DHCR24: variants seen among roughly 807,000 people sequenced by gnomAD.
DHCR24 encodes the protein 24-dehydrocholesterol reductase.
DHCR24 carries 28 observed loss-of-function variants against 61.2 expected under a neutral mutation model. The ratio of observed to expected loss-of-function variants is 0.46; its 90% CI spans 0.34 to 0.63. DHCR24 has a LOEUF of 0.63. Ranked by LOEUF, DHCR24 falls within the 20% of genes least tolerant of loss-of-function variation. The pLI, the probability that DHCR24 is intolerant of heterozygous loss-of-function variation, is 0.01. For missense variants in DHCR24, 538 were observed against 679.1 expected (o/e 0.79, Z 2.31); for synonymous variants, 261 against 275.9 (o/e 0.95, Z 0.54).
At chr1:54,857,923 A>G (rs1646916285) in intron 6 of DHCR24, among the ~76,000 whole-genome samples, 1 of 152,116 alleles carries the variant, frequency 6.6e-6, no homozygotes, top group Non-Finnish European at 1.5e-5. Flanking sequence ...ATCACCCAGA[A>G]TGCAGCTTGT....
At chr1:54,886,562 C>T in intron 1 of DHCR24, 1 of 1,346,918 alleles carries the variant, frequency 7.4e-7, no homozygotes, top group Non-Finnish European at 9.8e-7. Flanking sequence ...CTAGACCCAG[C>T]TCCACCTCCC....
intron 4 of DHCR24, among the ~76,000 whole-genome samples, chr1:54,872,018 C>T (rs536713372): frequency 6.6e-6 from 1 of 152,280 alleles, no homozygotes; most frequent in East Asian, 1.9e-4. Context: ...AGCTGGGGAA[C>T]ATTAAAATGC....
Position 54,883,853 on chromosome 1 carries a change from G to A in DHCR24, c.232-80C>T, listed in dbSNP as rs529278072. On this transcript the variant is annotated intron_variant, in intron 1 of 8. Transcript: ENST00000371269. This position sits in a 1 kb window ranked among gnomAD's most constrained non-coding sequence, Gnocchi z 4.3. ...CTGCAGCCCTGCTTTCTTCAAGGGC[G>A]AGCTGGGAATGATGCCTCCATCAGG... 2.7e-5 allele frequency: 42 copies of A among 1,584,282 alleles called. No homozygotes were observed. In the African/African-American group the frequency reaches 3.8e-4, roughly 14 times the overall value.
At chr1:54,853,307 A>G (rs1483416140) in intron 8 of DHCR24, 127 bp downstream of exon 8, 1 of 1,216,178 alleles carries the variant, frequency 8.2e-7, no homozygotes, top group Admixed American at 2.0e-5. Flanking sequence ...CCACAGCTGC[A>G]GGGGCCCTAA....
chr1:54,863,681 A>G (rs1646950974), intron 6 of DHCR24, among the ~76,000 whole-genome samples: 1 of 152,246 alleles, frequency 6.6e-6, no homozygotes, highest in African/African-American at 2.4e-5. Context: ...AAGCACAAAC[A>G]AAAGGGAAAA....
intron 2 of DHCR24, among the ~76,000 whole-genome samples, chr1:54,878,343 T>TA (rs34599871): frequency 0.082 from 12,080 of 146,942 alleles, 619 homozygotes; most frequent in Non-Finnish European, 0.11. Context: ...CCGCCTCTGC[T>TA]AAAAAAAAAA....
chr1:54,883,905 G>A lies in DHCR24; in HGVS notation c.232-132C>T. On this transcript the variant is annotated intron_variant, in intron 1 of 8. Coordinates refer to ENST00000371269, the MANE Select transcript of DHCR24 (RefSeq NM_014762.4). The surrounding 1 kb of genome is among the most constrained non-coding windows in gnomAD (Gnocchi z 4.3). Reference sequence around the variant, plus strand: ...ACTGGAGAAACAGAACAATGAAAAGGCCTGCTGGCCCTACCCTCTGGCACC... The same window carrying A: ...ACTGGAGAAACAGAACAATGAAAAGACCTGCTGGCCCTACCCTCTGGCACC... 1 of 1,283,086 alleles carries A rather than the reference G, an allele frequency of 7.8e-7. No homozygotes were observed. 79.5% of individuals were successfully genotyped at this position (1,283,086 alleles called of 1,614,324 possible).
chr1:54,875,943 C>T lies in DHCR24; in HGVS notation c.492G>A (p.Val164=). 6.2e-7 allele frequency: 1 copy of T among 1,610,166 alleles called. No homozygotes were observed. The highest frequency in any genetic ancestry group is 8.5e-7 in the Non-Finnish European group (1 of 1,176,416). The change falls in exon 3 of 9, where the codon GTG becomes GTA. Residue 164 remains valine (V), a splice_region_variant and synonymous_variant. Coordinates refer to ENST00000371269, the MANE Select transcript of DHCR24 (RefSeq NM_014762.4). ...TGCCCGTTAATATAGGGTCCTCACC[C>T]ACTGTGAGGTCATCAAGCTCAGGCA... ...PVLPELDDLT[V]GGLIMGTGIE...
rs1013590352 is a variant in DHCR24, at chr1:54,854,451, G to A, written c.1021-217C>T. Among the ~76,000 whole-genome samples the A allele has an allele frequency of 3.9e-5, 6 of 152,254 alleles. No homozygotes were observed. The South Asian group carries it at 1.0e-3, about 26-fold the overall frequency. On this transcript the variant is annotated intron_variant, in intron 6 of 8. Coordinates refer to ENST00000371269, the MANE Select transcript of DHCR24 (RefSeq NM_014762.4). ...GGCATTCGCCAGTAGTGATGACCCCGGGCTAGTTACTTAACTTCTTTGAGC... is the reference window on the plus strand; with the variant it reads ...GGCATTCGCCAGTAGTGATGACCCCAGGCTAGTTACTTAACTTCTTTGAGC...
At chr1:54,865,521 G>A (rs766062552) in intron 5 of DHCR24, 75 bp from the exon 6 acceptor site, 9 of 1,585,620 alleles carry the variant, frequency 5.7e-6, no homozygotes, top group Middle Eastern at 1.7e-4. Context: ...AGCGACACCC[G>A]GCTTCTGTTC....
At chr1:54,872,685 TC>T (rs1156620943) in intron 4 of DHCR24, among the ~76,000 whole-genome samples, 1 of 152,056 alleles carries the variant, frequency 6.6e-6, no homozygotes, top group Non-Finnish European at 1.5e-5. Flanking sequence ...ACCTACTTAT[TC>T]CTCTCAACCA....
At position 54,886,976 on chromosome 1, in the gene DHCR24, G is replaced by C. The variant is rs1237365451; in HGVS notation, c.144C>G (p.Ile48Met). 1.9e-6 allele frequency: 3 copies of C among 1,613,754 alleles called. No individual in the cohort carries two copies. Among genetic ancestry groups the C allele is most frequent in the Admixed American group, 3.3e-5 (2 of 60,020 alleles). The change falls in exon 1 of 9, where the codon ATC (isoleucine) becomes ATG (methionine). Residue 48 changes from isoleucine (I) to methionine (M), a missense_variant. Physicochemically the swap from Ile to Met is conservative, Grantham distance 10 (BLOSUM62 1). Transcript: ENST00000371269. Reference protein sequence around the residue: ...FLLPLSLIFDIYYYVRAWVVF... With the variant: ...FLLPLSLIFDMYYYVRAWVVF... ...CCACCCAGGCGCGCACGTAGTAGTA[G>C]ATATCGAAGATAAGCGAGAGCGGCA...
At chr1:54,871,142 C>T (rs1646996116) in intron 5 of DHCR24, among the ~76,000 whole-genome samples, 2 of 152,230 alleles carry the variant, frequency 1.3e-5, no homozygotes, top group Admixed American at 1.3e-4. Context: ...ACATCCCAGG[C>T]AGGTGGTAGG....
intron 6 of DHCR24, among the ~76,000 whole-genome samples, chr1:54,858,477 C>T (rs12133305): frequency 0.09 from 13,702 of 152,236 alleles, 689 homozygotes; most frequent in Admixed American, 0.11. Context: ...GAGGTCTGAA[C>T]GTTCACTTCC....
At chr1:54,872,560 C>T (rs1411038948) in intron 4 of DHCR24, among the ~76,000 whole-genome samples, 1 of 152,114 alleles carries the variant, frequency 6.6e-6, no homozygotes, top group African/African-American at 2.4e-5. Context: ...AACAGCAGCA[C>T]TACGCTCACC....
intron 5 of DHCR24, among the ~76,000 whole-genome samples, chr1:54,870,032 C>T (rs535507903): frequency 1.1e-4 from 16 of 149,406 alleles, no homozygotes; most frequent in African/African-American, 2.2e-4. Context: ...CCAGCCTGAG[C>T]GACGGAGTGA....
At chr1:54,870,177 G>A (rs1177418828) in intron 5 of DHCR24, among the ~76,000 whole-genome samples, 1 of 151,218 alleles carries the variant, frequency 6.6e-6, no homozygotes, top group Non-Finnish European at 1.5e-5. Context: ...AGCTGTGATC[G>A]TACCACTGTA....
chr1:54,880,068 C>G (rs1647056449), intron 2 of DHCR24, among the ~76,000 whole-genome samples: 1 of 151,988 alleles, frequency 6.6e-6, no homozygotes, highest in African/African-American at 2.4e-5. Flanking sequence ...TCAAAGCTAG[C>G]TTTTGAGAAG....
At chr1:54,872,337 C>T (rs906842275) in intron 4 of DHCR24, among the ~76,000 whole-genome samples, 2 of 152,202 alleles carry the variant, frequency 1.3e-5, no homozygotes, top group African/African-American at 2.4e-5. Context: ...ACACAGACAA[C>T]TGACTTTTCC....
Sources: allele counts gnomAD v4.1 joint callset (sites outside exome capture counted in the v4.1 genomes callset), GRCh38; gene constraint gnomAD v4.1.1; non-coding constraint Gnocchi (gnomAD v3.1); transcripts MANE v1.5; gene names NCBI Gene and HGNC (gene_info 2026-07-23, HGNC 2026-07-21).